SLC4A10: variants seen among roughly 807,000 people sequenced by gnomAD.
SLC4A10 encodes the protein sodium-driven chloride bicarbonate exchanger.
Under a neutral mutation model 137.7 loss-of-function variants are expected in SLC4A10, and 42 were observed. The ratio of observed to expected loss-of-function variants is 0.30; its 90% CI spans 0.24 to 0.39. SLC4A10 has a LOEUF of 0.39. SLC4A10 is among the 10% of genes least tolerant of loss of function. SLC4A10 has a pLI of 1.00. For synonymous variants in SLC4A10, 474 were observed against 464.1 expected, an observed-to-expected ratio of 1.02 and a Z score of -0.27; for missense variants, 925 against 1,355.0, an observed-to-expected ratio of 0.68 and a Z score of 4.98.
At chr2:161,748,380 C>A (rs1209997450) in intron 1 of SLC4A10, among the ~76,000 whole-genome samples, 2 of 151,294 alleles carry the variant, frequency 1.3e-5, no homozygotes, top group Non-Finnish European at 2.9e-5. Flanking sequence ...TCTTTGTTTT[C>A]TTCCAAAAGT....
At chr2:161,774,165 C>G (rs2052026498) in intron 2 of SLC4A10, among the ~76,000 whole-genome samples, 1 of 151,816 alleles carries the variant, frequency 6.6e-6, no homozygotes. Context: ...AGCAAAAATT[C>G]TTGAGGTTAA....
intron 15 of SLC4A10, among the ~76,000 whole-genome samples, chr2:161,907,944 A>C (rs1684834119): frequency 6.6e-6 from 1 of 152,180 alleles, no homozygotes; most frequent in African/African-American, 2.4e-5. Context: ...AGTGGTAGGA[A>C]GGCACCCATT....
chr2:161,797,849 T>C (rs571444293), intron 2 of SLC4A10, among the ~76,000 whole-genome samples: 1 of 152,208 alleles, frequency 6.6e-6, no homozygotes, highest in South Asian at 2.1e-4. Flanking sequence ...TAAATCTCAG[T>C]TAGTGGCCCT....
intron 1 of SLC4A10, among the ~76,000 whole-genome samples, chr2:161,758,888 A>G (rs1199893738): frequency 6.6e-6 from 1 of 152,022 alleles, no homozygotes; most frequent in Non-Finnish European, 1.5e-5. Context: ...TGAAGCAAAG[A>G]TAGGTACTTG....
At chr2:161,736,550 G>T (rs2047362211) in intron 1 of SLC4A10, among the ~76,000 whole-genome samples, 1 of 152,132 alleles carries the variant, frequency 6.6e-6, no homozygotes, top group South Asian at 2.1e-4. Flanking sequence ...TTCTTCACAA[G>T]GTAGCAGGAA....
intron 4 of SLC4A10, among the ~76,000 whole-genome samples, chr2:161,846,368 C>A (rs757532275): frequency 5.3e-5 from 8 of 152,070 alleles, no homozygotes; most frequent in Non-Finnish European, 1.2e-4. Flanking sequence ...TCATACATTG[C>A]TGGTGTGAAT....
chr2:161,641,307 A>G (rs1350576220), intron 1 of SLC4A10, among the ~76,000 whole-genome samples: 12 of 152,184 alleles, frequency 7.9e-5, no homozygotes. Flanking sequence ...ACTATCCAGT[A>G]GCTTTTGTAT....
intron 1 of SLC4A10, among the ~76,000 whole-genome samples, chr2:161,718,473 T>C (rs2045217763): frequency 6.6e-6 from 1 of 152,238 alleles, no homozygotes; most frequent in Admixed American, 6.5e-5. Context: ...CTGCTTTAGC[T>C]GTGTCCCAGA....
At chr2:161,945,888 A>G (rs899062285) in intron 16 of SLC4A10, among the ~76,000 whole-genome samples, 1 of 151,978 alleles carries the variant, frequency 6.6e-6, no homozygotes, top group Non-Finnish European at 1.5e-5. Context: ...TGACTTTTAT[A>G]CCTGCAGAAA....
At chr2:161,635,380 C>T (rs1265128817) in intron 1 of SLC4A10, among the ~76,000 whole-genome samples, 1 of 152,092 alleles carries the variant, frequency 6.6e-6, no homozygotes, top group Non-Finnish European at 1.5e-5. Flanking sequence ...GCTCAAAACA[C>T]TCTTATACTA....
intron 2 of SLC4A10, among the ~76,000 whole-genome samples, chr2:161,778,351 G>A (rs1263000889): frequency 1.3e-5 from 2 of 151,708 alleles, no homozygotes; most frequent in Non-Finnish European, 2.9e-5. Flanking sequence ...GAAAGTTTAT[G>A]CCTTTTCTTA....
intron 1 of SLC4A10, among the ~76,000 whole-genome samples, chr2:161,729,694 G>C (rs991023089): frequency 6.8e-4 from 104 of 152,022 alleles, no homozygotes; most frequent in African/African-American, 2.3e-3. Flanking sequence ...GCTCAGATTT[G>C]GGTCCTACGT....
intron 19 of SLC4A10, among the ~76,000 whole-genome samples, chr2:161,952,106 G>C (rs553565395): frequency 6.6e-6 from 1 of 152,202 alleles, no homozygotes; most frequent in South Asian, 2.1e-4. Context: ...AGAAATTCTA[G>C]TGTGTTCACT....
chr2:161,725,009 T>C (rs1027703567), intron 1 of SLC4A10, among the ~76,000 whole-genome samples: 1 of 152,178 alleles, frequency 6.6e-6, no homozygotes, highest in African/African-American at 2.4e-5. Flanking sequence ...CCATAACTTA[T>C]ATGGTGCTTG....
chr2:161,936,354 G>A (rs10181572), intron 15 of SLC4A10, among the ~76,000 whole-genome samples: 5,622 of 152,108 alleles, frequency 0.037, 147 homozygotes, highest in Non-Finnish European at 0.056. Context: ...CAGAGGAACT[G>A]GTATTATTAG....
intron 1 of SLC4A10, among the ~76,000 whole-genome samples, chr2:161,743,466 C>T (rs116578147): frequency 0.019 from 2,837 of 152,182 alleles, 58 homozygotes; most frequent in African/African-American, 0.054. Context: ...CTATTCTGTT[C>T]CATTGCTCTA....
At chr2:161,679,379 T>C (rs1264734283) in intron 1 of SLC4A10, among the ~76,000 whole-genome samples, 1 of 152,130 alleles carries the variant, frequency 6.6e-6, no homozygotes, top group East Asian at 1.9e-4. Flanking sequence ...CTTAGTAGTG[T>C]ACTTAGTGAT....
intron 10 of SLC4A10, among the ~76,000 whole-genome samples, chr2:161,894,474 C>T (rs1391332062): frequency 1.3e-5 from 2 of 151,960 alleles, no homozygotes; most frequent in African/African-American, 4.8e-5. Flanking sequence ...CAACATTCAT[C>T]TGACATCATA....
intron 19 of SLC4A10, among the ~76,000 whole-genome samples, chr2:161,953,960 A>T (rs1695232713): frequency 6.6e-6 from 1 of 152,212 alleles, no homozygotes; most frequent in Admixed American, 6.5e-5. Flanking sequence ...TTTAAAGCAC[A>T]TTCTCTAAAT....
Sources: allele counts gnomAD v4.1 joint callset (sites outside exome capture counted in the v4.1 genomes callset), GRCh38; gene constraint gnomAD v4.1.1; transcripts MANE v1.5; gene names NCBI Gene and HGNC (gene_info 2026-07-23, HGNC 2026-07-21).